Variants in PCSK5 observed in about 807,000 individuals in gnomAD.
PCSK5 encodes the protein proprotein convertase subtilisin/kexin type 5.
In PCSK5, 129 loss-of-function variants were observed where a neutral mutation model predicts 233.2. The ratio of observed to expected loss-of-function variants is 0.55; its 90% CI spans 0.48 to 0.64. The LOEUF (loss-of-function observed/expected upper bound fraction) is 0.64, where lower values mean the gene tolerates loss of function less well. Ranked by LOEUF, PCSK5 falls within the 30% of genes least tolerant of loss-of-function variation. The pLI, the probability that PCSK5 is intolerant of heterozygous loss-of-function variation, is 0.00. For synonymous variants in PCSK5, 825 were observed against 879.2 expected, an observed-to-expected ratio of 0.94 and a Z score of 1.09; for missense variants, 2,076 against 2,430.1, an observed-to-expected ratio of 0.85 and a Z score of 3.06.
At chr9:76,117,083 C>T (rs114735097) in intron 9 of PCSK5, among the ~76,000 whole-genome samples, 2,655 of 151,678 alleles carry the variant, frequency 0.018, 92 homozygotes, top group African/African-American at 0.061. Flanking sequence ...TTGAAACAAA[C>T]TTTTTTTTTC....
At chr9:76,161,093 G>C (rs1822832733) in intron 12 of PCSK5, among the ~76,000 whole-genome samples, 1 of 152,202 alleles carries the variant, frequency 6.6e-6, no homozygotes, top group South Asian at 2.1e-4. Flanking sequence ...AAATCTTCAT[G>C]TGCATTTTAT....
chr9:76,283,473 T>G (rs557152140), intron 24 of PCSK5, among the ~76,000 whole-genome samples: 6 of 152,356 alleles, frequency 3.9e-5, no homozygotes, highest in Admixed American at 1.3e-4. Flanking sequence ...AAGTATTTCC[T>G]AATTAAGGTA....
chr9:75,937,293 C>A (rs1197720494), intron 2 of PCSK5, among the ~76,000 whole-genome samples: 1 of 151,992 alleles, frequency 6.6e-6, no homozygotes, highest in African/African-American at 2.4e-5. Context: ...ATTCTCCTGC[C>A]TCAGTCTCCT....
At chr9:76,027,201 A>G (rs1022931221) in intron 5 of PCSK5, among the ~76,000 whole-genome samples, 164 bp downstream of exon 5, 1 of 152,122 alleles carries the variant, frequency 6.6e-6, no homozygotes, top group African/African-American at 2.4e-5. Flanking sequence ...GTAAGAAAAA[A>G]GGGGTGGTCC....
At chr9:76,093,887 T>A (rs1331175336) in intron 7 of PCSK5, among the ~76,000 whole-genome samples, 1 of 152,178 alleles carries the variant, frequency 6.6e-6, no homozygotes, top group Admixed American at 6.5e-5. Context: ...CTGACCACCC[T>A]CACCATAGTG....
chr9:76,083,705 T>A (rs1229505271), intron 7 of PCSK5, among the ~76,000 whole-genome samples: 1 of 152,234 alleles, frequency 6.6e-6, no homozygotes, highest in East Asian at 1.9e-4. Flanking sequence ...TAAAAACTGA[T>A]GGATTATGTG....
At chr9:75,901,933 A>G (rs1460244166) in intron 1 of PCSK5, among the ~76,000 whole-genome samples, 1 of 152,182 alleles carries the variant, frequency 6.6e-6, no homozygotes, top group East Asian at 1.9e-4. Flanking sequence ...AGGACAAAAC[A>G]GGCTGGGCGT....
chr9:76,119,469 G>A (rs1832552582), intron 9 of PCSK5, among the ~76,000 whole-genome samples: 1 of 151,998 alleles, frequency 6.6e-6, no homozygotes, highest in Admixed American at 6.6e-5. Context: ...AGCTATGTAT[G>A]TTTTACCCTA....
intron 3 of PCSK5, among the ~76,000 whole-genome samples, chr9:75,993,700 A>G (rs1826872415): frequency 6.6e-6 from 1 of 152,230 alleles, no homozygotes; most frequent in African/African-American, 2.4e-5. Flanking sequence ...GGTACAAAGC[A>G]CAATCAGCAG....
At chr9:75,943,666 C>G (rs1224653265) in intron 2 of PCSK5, among the ~76,000 whole-genome samples, 8 of 152,166 alleles carry the variant, frequency 5.3e-5, no homozygotes, top group South Asian at 2.1e-4. Context: ...GTAGGGTGAG[C>G]TCTACCCATC....
chr9:76,003,970 A>G (rs770050194), intron 3 of PCSK5, among the ~76,000 whole-genome samples: 7 of 152,062 alleles, frequency 4.6e-5, no homozygotes, highest in Non-Finnish European at 8.8e-5. Context: ...TAATTTTTTT[A>G]TTTTTATTTT....
Position 76,333,596 on chromosome 9 carries a change from A to G in PCSK5, c.4748+986A>G, listed in dbSNP as rs28393400. Among the ~76,000 whole-genome samples, 1,263 of 152,300 alleles carry G rather than the reference A, an allele frequency of 8.3e-3. 22 individuals carry two copies. The highest frequency in any genetic ancestry group is 0.028 in the African/African-American group (1,183 of 41,564). ...AGTGTTATCAGAAGGTCTGATTGCC[A>G]GCATATCCTTTTTCTCCCCCAGGCA... On this transcript the variant is annotated intron_variant, in intron 34 of 37. Coordinates refer to ENST00000674117, the MANE Select transcript of PCSK5 (RefSeq NM_001372043.1).
intron 24 of PCSK5, among the ~76,000 whole-genome samples, chr9:76,254,215 T>C (rs571186403): frequency 6.6e-6 from 1 of 152,296 alleles, no homozygotes; most frequent in Admixed American, 6.5e-5. Context: ...ACCATGTGCC[T>C]GCAGAAAAGA....
rs563546788 is a variant in PCSK5 at position 76,175,738 on chromosome 9, G to C, written c.1900+609G>C. 2.6e-5 allele frequency among the ~76,000 whole-genome samples: 4 copies of C among 151,704 alleles called. No homozygotes were observed. The East Asian group carries it at 7.8e-4, about 29-fold the overall frequency. ...GTGATTGTTTATTACACTCATTCCT[G>C]CCAACAGAAAAAAATAAAGAGAAAA... is the stretch of plus-strand genomic sequence containing the variant. On this transcript the variant is annotated intron_variant, in intron 14 of 37. Transcript: ENST00000674117.
chr9:76,356,371 T>C (rs73652930), intron 37 of PCSK5, among the ~76,000 whole-genome samples: 1,561 of 152,322 alleles, frequency 0.01, 20 homozygotes, highest in African/African-American at 0.035. Context: ...ACTCTGCCCC[T>C]TCAAAGAAAC....
chr9:75,900,044 G>A (rs896612118), intron 1 of PCSK5, among the ~76,000 whole-genome samples: 1 of 152,164 alleles, frequency 6.6e-6, no homozygotes, highest in Non-Finnish European at 1.5e-5. Context: ...AGGTTGTGGG[G>A]CAGTAGAGAA....
At chr9:76,323,317 TC>T in intron 32 of PCSK5, 29 bp downstream of exon 32, 1 of 1,375,700 alleles carries the variant, frequency 7.3e-7, no homozygotes, top group Non-Finnish European at 1.0e-6. Flanking sequence ...CAAAATAGGC[TC>T]CGGGGTTTGC....
At chr9:76,119,947 C>T (rs111434477) in intron 9 of PCSK5, among the ~76,000 whole-genome samples, 2,660 of 152,128 alleles carry the variant, frequency 0.017, 91 homozygotes, top group African/African-American at 0.061. Flanking sequence ...CCAGCACTTC[C>T]CATCACCACC....
chr9:76,269,789 A>G (rs1047722854), intron 24 of PCSK5, among the ~76,000 whole-genome samples: 1 of 152,340 alleles, frequency 6.6e-6, no homozygotes, highest in Non-Finnish European at 1.5e-5. Flanking sequence ...CAAGAGAAAC[A>G]TTTTTGAAGA....
Sources: gnomAD v4.1 joint callset for allele counts (sites outside exome capture counted in the v4.1 genomes callset) on GRCh38, gnomAD v4.1.1 for gene constraint, MANE v1.5 for transcripts, NCBI Gene and HGNC (gene_info 2026-07-23, HGNC 2026-07-21) for gene names.